Variants in UBE3C observed in about 807,000 individuals in gnomAD.
UBE3C encodes ubiquitin protein ligase E3C.
Under a neutral mutation model 129.4 loss-of-function variants are expected in UBE3C, and 42 were observed. That is an observed-to-expected ratio of 0.32 (90% CI 0.25 to 0.42). The LOEUF (loss-of-function observed/expected upper bound fraction) is 0.42, where lower values mean the gene tolerates loss of function less well. UBE3C is among the 10% of genes least tolerant of loss of function. UBE3C has a pLI of 1.00. For missense variants in UBE3C, 1,049 were observed against 1,319.1 expected (o/e 0.80, Z 3.17); for synonymous variants, 510 against 492.4 (o/e 1.04, Z -0.47).
intron 10 of UBE3C, among the ~76,000 whole-genome samples, chr7:157,193,282 A>T (rs1191507498): frequency 9.0e-6 from 1 of 110,674 alleles, no homozygotes; most frequent in Non-Finnish European, 1.7e-5. Context: ...TTAAAAAGAA[A>T]AATTTCAGAA....
chr7:157,261,322 A>G (rs1439906705), intron 22 of UBE3C, among the ~76,000 whole-genome samples: 5 of 112,772 alleles, frequency 4.4e-5, no homozygotes, highest in Admixed American at 8.1e-5. Context: ...AAAAAAAAAA[A>G]AAAAAAAAAA....
At chr7:157,156,792 C>T (rs193087771) in intron 1 of UBE3C, among the ~76,000 whole-genome samples, 89 of 151,462 alleles carry the variant, frequency 5.9e-4, no homozygotes, top group African/African-American at 2.1e-3. Context: ...ATAATACTCT[C>T]GGAGACAGTT....
chr7:157,190,848 A>G (rs1644140621), intron 10 of UBE3C, among the ~76,000 whole-genome samples: 1 of 152,220 alleles, frequency 6.6e-6, no homozygotes, highest in South Asian at 2.1e-4. Context: ...TGAGGCAAAA[A>G]GGCATATCTT....
chr7:157,240,255 A>C (rs976606597), intron 18 of UBE3C, among the ~76,000 whole-genome samples: 3 of 152,078 alleles, frequency 2.0e-5, no homozygotes, highest in Non-Finnish European at 4.4e-5. Flanking sequence ...GGGTTTCGCC[A>C]TGTTGGCCAG....
chr7:157,164,612 G>T, intron 2 of UBE3C: 1 of 356,994 alleles, frequency 2.8e-6, no homozygotes, highest in Non-Finnish European at 5.6e-6. Context: ...GCTTTATTTT[G>T]TTGATTAATC....
At chr7:157,190,153 C>T (rs1039274025) in intron 10 of UBE3C, among the ~76,000 whole-genome samples, 1 of 152,148 alleles carries the variant, frequency 6.6e-6, no homozygotes, top group African/African-American at 2.4e-5. Flanking sequence ...ATACAAGTGG[C>T]TTCAGCTACA....
At chr7:157,210,767 A>T (rs972270345) in intron 13 of UBE3C, among the ~76,000 whole-genome samples, 2 of 152,230 alleles carry the variant, frequency 1.3e-5, no homozygotes, top group Non-Finnish European at 2.9e-5. Context: ...ATTGCAAACG[A>T]TGAGACCTGA....
At position 157,170,423 on chromosome 7, in the gene UBE3C, C is replaced by G; in HGVS notation, c.315C>G (p.Tyr105Ter). ...TGGTAAGGCAGCTTCTGTTTTTTTA[C>G]AAACAAAATGAAGACTCAAAACGTT... ...TLLVRQLLFF[Y>*]KQNEDSKRLI... Residue 105 changes from tyrosine (Y) to a stop codon, truncating the protein, a stop_gained, in exon 4 of 23, where the codon TAC (tyrosine) becomes TAG (stop). Transcript: ENST00000348165. LOFTEE classifies it high-confidence loss of function. 6.4e-7 allele frequency: 1 copy of G among 1,560,092 alleles called. No homozygotes were observed. The highest frequency in any genetic ancestry group is 8.6e-7 in the Non-Finnish European group (1 of 1,157,418).
intron 2 of UBE3C, among the ~76,000 whole-genome samples, chr7:157,166,359 T>C (rs1195314891): frequency 3.3e-5 from 5 of 152,262 alleles, no homozygotes; most frequent in Non-Finnish European, 7.3e-5. Context: ...ACTTACTCTT[T>C]GGTAAGTTGC....
rs552093118 is a variant in UBE3C, at chr7:157,251,251, GTTAA to G, written c.2694+2677_2694+2680del. 9.2e-5 allele frequency among the ~76,000 whole-genome samples: 14 copies of G among 152,176 alleles called. No individual in the cohort carries two copies. In the South Asian group the frequency reaches 1.2e-3, roughly 13 times the overall value. On this transcript the variant is annotated intron_variant, in intron 19 of 22. Coordinates refer to ENST00000348165, the MANE Select transcript of UBE3C (RefSeq NM_014671.3). ...ATACTTTATTGTGTCAGCAGGTTAT[GTTAA>G]TTAATCATCCCTTTTAAAATATGGT... is the stretch of plus-strand genomic sequence containing the variant.
rs764215029 is a variant in UBE3C, at chr7:157,220,739, G to A, written c.1965G>A (p.Arg655=). 4.0e-5 allele frequency: 64 copies of A among 1,614,078 alleles called. No homozygotes were observed. In the Middle Eastern group the frequency reaches 4.9e-4, roughly 12 times the overall value. ...PASRHVWRFR[R]MGRIGPLQST... is the part of the protein sequence containing the mutation. Reference sequence around the variant, plus strand: ...CCAGACATGTGTGGAGGTTCCGGCGGATGGGGAGGATAGGCCCGCTGCAGT... The same window carrying A: ...CCAGACATGTGTGGAGGTTCCGGCGAATGGGGAGGATAGGCCCGCTGCAGT... Residue 655 remains arginine (R), a synonymous_variant, in exon 15 of 23, where the codon CGG becomes CGA. Coordinates refer to ENST00000348165, the MANE Select transcript of UBE3C (RefSeq NM_014671.3).
intron 22 of UBE3C, among the ~76,000 whole-genome samples, chr7:157,263,674 A>AG (rs1796984133): frequency 6.6e-6 from 1 of 151,900 alleles, no homozygotes. Context: ...AAAAAAAAAA[A>AG]AAAAAGTCTA....
At chr7:157,205,501 G>A (rs138494437) in intron 11 of UBE3C, among the ~76,000 whole-genome samples, 210 of 152,284 alleles carry the variant, frequency 1.4e-3, no homozygotes, top group African/African-American at 4.7e-3. Context: ...CGCAGGAGTG[G>A]GCTCCAGCTG....
In UBE3C at chr7:157,267,508, T is replaced by G. The variant is rs1164923859; in HGVS notation, c.3082-77T>G. The G allele has an allele frequency of 1.9e-6, 3 of 1,538,714 alleles. No homozygotes were observed. In the Admixed American group the frequency reaches 5.6e-5, roughly 29 times the overall value. ...AACTTTACTGATTGGAGCAGGCACA[T>G]TTTGTGTACTTTGTATTAAAACTCA... is the stretch of plus-strand genomic sequence containing the variant. On this transcript the variant is annotated intron_variant, in intron 22 of 22. Transcript: ENST00000348165.
intron 19 of UBE3C, among the ~76,000 whole-genome samples, chr7:157,253,084 T>C (rs1461383522): frequency 6.6e-6 from 1 of 152,202 alleles, no homozygotes; most frequent in Non-Finnish European, 1.5e-5. Flanking sequence ...TTATTTAAAA[T>C]ACACTCTTTA....
intron 18 of UBE3C, among the ~76,000 whole-genome samples, chr7:157,237,679 C>T (rs1363370653): frequency 6.6e-6 from 1 of 152,210 alleles, no homozygotes; most frequent in African/African-American, 2.4e-5. Context: ...TAGAAGCACA[C>T]ACTCTTGCTG....
At position 157,267,788 on chromosome 7, in the gene UBE3C, C is replaced by A; in HGVS notation, c.*33C>A. 1 of 1,524,878 alleles carries A rather than the reference C, an allele frequency of 6.6e-7. No homozygotes were observed. The highest frequency in any genetic ancestry group is 8.8e-7 in the Non-Finnish European group (1 of 1,138,906). 94.5% of individuals were successfully genotyped at this position (1,524,878 alleles called of 1,614,324 possible). On this transcript the variant is annotated 3_prime_UTR_variant, in exon 23 of 23. Transcript: ENST00000348165. ...GCTGGGGTCAGACCCCTACAGAGAA[C>A]CAGTGCTTCCTTCGTCAGCAGCGCC...
chr7:157,192,527 T>G, intron 10 of UBE3C: 1 of 763,090 alleles, frequency 1.3e-6, no homozygotes, highest in Non-Finnish European at 2.4e-6. Context: ...GGAAGATGGA[T>G]GTACTGTCTG....
intron 13 of UBE3C, among the ~76,000 whole-genome samples, chr7:157,208,958 A>G (rs1046639613): frequency 7.5e-4 from 114 of 152,396 alleles, no homozygotes; most frequent in African/African-American, 2.5e-3. Flanking sequence ...CCTCTCGCAC[A>G]CTAATGTTCA....
Sources: allele counts gnomAD v4.1 joint callset (sites outside exome capture counted in the v4.1 genomes callset), GRCh38; gene constraint gnomAD v4.1.1; transcripts MANE v1.5; gene names NCBI Gene and HGNC (gene_info 2026-07-23, HGNC 2026-07-21).